Variants in LRP5 observed in about 807,000 individuals in gnomAD.
LRP5 encodes LDL receptor related protein 5, also known as low-density lipoprotein receptor-related protein 5.
A neutral mutation model predicts 154.1 loss-of-function variants in LRP5; 62 were observed. The ratio of observed to expected loss-of-function variants is 0.40; its 90% CI spans 0.33 to 0.50. The LOEUF (loss-of-function observed/expected upper bound fraction) is 0.50, where lower values mean the gene tolerates loss of function less well. Among genes scored for constraint, LRP5 ranks in the 20% least tolerant of loss-of-function variants. The pLI is 0.55. For synonymous variants in LRP5, 966 were observed against 1,011.5 expected (o/e 0.96, Z 0.85); for missense variants, 1,915 against 2,336.7 (o/e 0.82, Z 3.72).
intron 7 of LRP5, among the ~76,000 whole-genome samples, chr11:68,396,573 T>C (rs997768451): frequency 1.3e-5 from 2 of 152,020 alleles, no homozygotes; most frequent in African/African-American, 4.8e-5. Context: ...TGAAATGAGG[T>C]TTCATGTAGA....
chr11:68,439,956 C>T (rs2098677299), intron 21 of LRP5, 40 bp downstream of exon 21: 2 of 1,477,086 alleles, frequency 1.4e-6, no homozygotes. Flanking sequence ...CGGGATGGGG[C>T]TGTGGGCCCC....
intron 7 of LRP5, among the ~76,000 whole-genome samples, chr11:68,396,334 C>G (rs2098649336): frequency 6.6e-6 from 1 of 152,200 alleles, no homozygotes; most frequent in African/African-American, 2.4e-5. Context: ...TGTTTTGCCG[C>G]TCACCTTTGC....
At chr11:68,380,175 G>T (rs1184112563) in intron 5 of LRP5, among the ~76,000 whole-genome samples, 2 of 152,220 alleles carry the variant, frequency 1.3e-5, no homozygotes, top group African/African-American at 4.8e-5. Flanking sequence ...GGGTCATTTG[G>T]CCGAGGGGCC....
At chr11:68,357,210 G>A (rs1023844807) in intron 2 of LRP5, among the ~76,000 whole-genome samples, 2 of 152,114 alleles carry the variant, frequency 1.3e-5, no homozygotes, top group Admixed American at 6.6e-5. Flanking sequence ...GCTGGGATTA[G>A]AGGTGTGAGC....
intron 1 of LRP5, among the ~76,000 whole-genome samples, chr11:68,339,899 T>C (rs1471709527): frequency 6.6e-6 from 1 of 152,186 alleles, no homozygotes; most frequent in Non-Finnish European, 1.5e-5. Flanking sequence ...TGTGTAACTT[T>C]TTGAGGCACT....
intron 1 of LRP5, among the ~76,000 whole-genome samples, chr11:68,340,608 A>G (rs2098608399): frequency 6.6e-6 from 1 of 152,192 alleles, no homozygotes; most frequent in South Asian, 2.1e-4. Flanking sequence ...GTCATGGGCC[A>G]GGTCTCAGCC....
intron 1 of LRP5, among the ~76,000 whole-genome samples, chr11:68,326,143 C>T (rs1163116422): frequency 1.3e-5 from 2 of 152,196 alleles, no homozygotes; most frequent in African/African-American, 4.8e-5. Context: ...TAGCTGGAGC[C>T]CTGGTGGGAT....
chr11:68,430,358 G>A (rs2098671236), intron 17 of LRP5, among the ~76,000 whole-genome samples: 1 of 152,148 alleles, frequency 6.6e-6, no homozygotes, highest in Non-Finnish European at 1.5e-5. Flanking sequence ...ATTTTTAGTA[G>A]AGACGGGGTT....
chr11:68,308,923 A>ATTTT (rs34529621), upstream of LRP5, among the ~76,000 whole-genome samples: 35 of 74,476 alleles, frequency 4.7e-4, no homozygotes, highest in African/African-American at 1.3e-3. Flanking sequence ...TAATCAGCTA[A>ATTTT]TTTTTTTTTT....
chr11:68,388,302 G>A (rs1051441252), intron 6 of LRP5, among the ~76,000 whole-genome samples: 5 of 152,146 alleles, frequency 3.3e-5, no homozygotes, highest in African/African-American at 7.2e-5. Context: ...TCAAGTCACT[G>A]TCTACATGGG....
rs186864499 is a variant in LRP5, at chr11:68,408,884, C to G, written c.2092-1030C>G. On this transcript the variant is annotated intron_variant, in intron 9 of 22. Coordinates refer to ENST00000294304, the MANE Select transcript of LRP5 (RefSeq NM_002335.4). Reference sequence around the variant, plus strand: ...GCAACATAGTGAGACCCCATCTCTACAAAAAACTTTTTTAATAAGTCGGGC... The same window carrying G: ...GCAACATAGTGAGACCCCATCTCTAGAAAAAACTTTTTTAATAAGTCGGGC... 5.3e-5 allele frequency among the ~76,000 whole-genome samples: 8 copies of G among 150,910 alleles called. No homozygotes were observed. In the East Asian group the frequency reaches 1.5e-3, roughly 29 times the overall value.
At chr11:68,369,811 A>G (rs1245611504) in intron 5 of LRP5, among the ~76,000 whole-genome samples, 3 of 152,104 alleles carry the variant, frequency 2.0e-5, no homozygotes, top group African/African-American at 4.8e-5. Flanking sequence ...ACAGCTGGAC[A>G]AGCTTGGAGA....
At position 68,438,584 on chromosome 11, in the gene LRP5, G is replaced by T. The variant is rs2098676348; in HGVS notation, c.4250G>T (p.Gly1417Val). The T allele has an allele frequency of 1.2e-6, 2 of 1,613,948 alleles. No individual in the cohort carries two copies. Among genetic ancestry groups the T allele is most frequent in the Admixed American group, 1.7e-5 (1 of 60,004 alleles). ...CGCGTGGTGTGCCAGCGCTATGCGG[G>T]GGCCAACGGGCCCTTCCCGCACGAG... ...CQRVVCQRYA[G>V]ANGPFPHEYV... The change falls in exon 20 of 23, where the codon GGG (glycine) becomes GTG (valine). Residue 1417 changes from glycine to valine, a missense_variant. Gly to Val is a moderately radical substitution (Grantham distance 109). Transcript: ENST00000294304.
intron 1 of LRP5, among the ~76,000 whole-genome samples, chr11:68,324,094 G>C (rs377651789): frequency 1.3e-5 from 2 of 152,148 alleles, no homozygotes; most frequent in Non-Finnish European, 2.9e-5. Context: ...GGTGCCGTCC[G>C]CTGCGTCTGC....
intron 16 of LRP5, among the ~76,000 whole-genome samples, chr11:68,426,423 CTTTTTT>C (rs58093101): frequency 1.5e-5 from 2 of 130,454 alleles, no homozygotes; most frequent in Non-Finnish European, 3.2e-5. Flanking sequence ...AACACCAACT[CTTTTTT>C]TTTTTTTTTT....
intron 13 of LRP5, among the ~76,000 whole-genome samples, chr11:68,422,617 G>A (rs1230899999): frequency 1.3e-5 from 2 of 152,134 alleles, no homozygotes; most frequent in Admixed American, 6.5e-5. Flanking sequence ...GGCAGCGCTC[G>A]AGCATCTCCT....
rs1171351984 is a variant in LRP5 at position 68,393,508 on chromosome 11, C to T, written c.1584+3456C>T. On this transcript the variant is annotated intron_variant, in intron 7 of 22. Transcript: ENST00000294304. Reference sequence around the variant, plus strand: ...ATTTAAAAAAATATTCAGCCAGGTGCTCTGGCTCACGCCTGTAATCCCAGC... The same window carrying T: ...ATTTAAAAAAATATTCAGCCAGGTGTTCTGGCTCACGCCTGTAATCCCAGC... Among the ~76,000 whole-genome samples the T allele has an allele frequency of 2.0e-5, 3 of 152,374 alleles. No homozygotes were observed. The East Asian group carries it at 5.8e-4, about 29-fold the overall frequency.
chr11:68,366,509 C>G (rs945844595), intron 5 of LRP5, among the ~76,000 whole-genome samples: 2 of 152,144 alleles, frequency 1.3e-5, no homozygotes, highest in Non-Finnish European at 2.9e-5. Context: ...TTCTTGCTGG[C>G]TAGGGTCTGT....
At chr11:68,344,581 A>G (rs1410804818) in intron 1 of LRP5, among the ~76,000 whole-genome samples, 1 of 151,942 alleles carries the variant, frequency 6.6e-6, no homozygotes, top group Non-Finnish European at 1.5e-5. Flanking sequence ...CGGCCTCCCA[A>G]AGTGCTGAGA....
Sources: allele counts gnomAD v4.1 joint callset (sites outside exome capture counted in the v4.1 genomes callset), GRCh38; gene constraint gnomAD v4.1.1; transcripts MANE v1.5; gene names NCBI Gene and HGNC (gene_info 2026-07-23, HGNC 2026-07-21).